The following PEX5L variants were observed in gnomAD, a reference collection of about 807,000 sequenced individuals.
The protein encoded by PEX5L is peroxisomal biogenesis factor 5 like.
Under a neutral mutation model 84.0 loss-of-function variants are expected in PEX5L, and 30 were observed. The ratio of observed to expected loss-of-function variants is 0.36; its 90% CI spans 0.27 to 0.48. The LOEUF is 0.48. PEX5L is among the 20% of genes least tolerant of loss of function. The pLI, the probability that PEX5L is intolerant of heterozygous loss-of-function variation, is 0.99. For synonymous variants in PEX5L, 270 were observed against 283.1 expected (o/e 0.95, Z 0.46); for missense variants, 533 against 754.6 (o/e 0.71, Z 3.44).
At chr3:179,818,767 G>T (rs1386741111) in intron 9 of PEX5L, among the ~76,000 whole-genome samples, 1 of 151,652 alleles carries the variant, frequency 6.6e-6, no homozygotes, top group Non-Finnish European at 1.5e-5. Flanking sequence ...CATCCATGTT[G>T]TTATAAATGA....
At chr3:179,985,678 T>C (rs1786748419) in intron 1 of PEX5L, among the ~76,000 whole-genome samples, 2 of 152,052 alleles carry the variant, frequency 1.3e-5, no homozygotes, top group Admixed American at 1.3e-4. Flanking sequence ...TTCCCCTTAT[T>C]TTCCTAGTTT....
intron 11 of PEX5L, among the ~76,000 whole-genome samples, chr3:179,811,217 ATGTGTG>A (rs59791968): frequency 0.091 from 13,662 of 149,904 alleles, 717 homozygotes; most frequent in African/African-American, 0.13. Flanking sequence ...TATGGAATGT[ATGTGTG>A]TGTGTGTGTG....
At chr3:179,883,337 G>C (rs1414676057) in intron 4 of PEX5L, among the ~76,000 whole-genome samples, 1 of 152,174 alleles carries the variant, frequency 6.6e-6, no homozygotes, top group Non-Finnish European at 1.5e-5. Context: ...GGGATTTCCA[G>C]CTCAGTTGCT....
chr3:179,817,767 T>C (rs916831737), intron 9 of PEX5L, among the ~76,000 whole-genome samples: 1 of 152,162 alleles, frequency 6.6e-6, no homozygotes. Flanking sequence ...TCAGTCTCCA[T>C]AGGTGCTTAG....
intron 4 of PEX5L, among the ~76,000 whole-genome samples, chr3:179,887,312 T>C (rs577695502): frequency 6.6e-6 from 1 of 152,190 alleles, no homozygotes; most frequent in South Asian, 2.1e-4. Context: ...TTATACAAAA[T>C]ATTTCCAGAA....
intron 8 of PEX5L, among the ~76,000 whole-genome samples, chr3:179,852,761 A>G (rs2108471406): frequency 1.3e-5 from 2 of 152,324 alleles, no homozygotes; most frequent in Admixed American, 1.3e-4. Flanking sequence ...ATTTGCTCAT[A>G]AGAATACCTC....
At chr3:179,865,760 G>A (rs571069477) in intron 7 of PEX5L, among the ~76,000 whole-genome samples, 27 of 152,172 alleles carry the variant, frequency 1.8e-4, no homozygotes, top group Middle Eastern at 3.4e-3. Flanking sequence ...CCCCACCTCC[G>A]GGGACTCCGA....
intron 1 of PEX5L, among the ~76,000 whole-genome samples, chr3:180,019,338 A>T (rs554157633): frequency 4.6e-5 from 7 of 152,296 alleles, no homozygotes; most frequent in African/African-American, 1.7e-4. Flanking sequence ...CAGTCAACCA[A>T]CTTTTTCTGA....
intron 8 of PEX5L, among the ~76,000 whole-genome samples, chr3:179,824,364 A>AAAACC (rs961143449): frequency 2.6e-5 from 4 of 152,200 alleles, no homozygotes; most frequent in Admixed American, 6.5e-5. Flanking sequence ...AAAACTTGAG[A>AAAACC]AAACCAAACC....
intron 12 of PEX5L, 57 bp downstream of exon 12, chr3:179,809,414 G>T: frequency 7.6e-7 from 1 of 1,321,354 alleles, no homozygotes. Context: ...TGCCCTTTAG[G>T]TGATTCATTG....
At chr3:179,947,634 A>T (rs1283633583) in intron 2 of PEX5L, among the ~76,000 whole-genome samples, 1 of 152,112 alleles carries the variant, frequency 6.6e-6, no homozygotes, top group East Asian at 1.9e-4. Context: ...CAAAGTAAAT[A>T]GCATTTTTTT....
intron 4 of PEX5L, among the ~76,000 whole-genome samples, chr3:179,884,607 G>A (rs1021287816): frequency 1.3e-5 from 2 of 152,166 alleles, no homozygotes; most frequent in African/African-American, 4.8e-5. Context: ...TAATATAACT[G>A]GTATGTCAGT....
chr3:179,937,072 TATATATATATACATATACAAGGTGCTAA>T (rs1024930826), intron 2 of PEX5L, among the ~76,000 whole-genome samples: 3 of 152,146 alleles, frequency 2.0e-5, no homozygotes, highest in Non-Finnish European at 4.4e-5. Flanking sequence ...GCCCCTCATA[TATATATATATACATATACAAGGTGCTAA>T]AAGAAATAAG....
intron 1 of PEX5L, among the ~76,000 whole-genome samples, chr3:180,019,215 C>T (rs1226458378): frequency 6.6e-6 from 1 of 152,070 alleles, no homozygotes; most frequent in African/African-American, 2.4e-5. Context: ...GAAATAAAGT[C>T]AATAATTTGA....
intron 7 of PEX5L, among the ~76,000 whole-genome samples, chr3:179,868,893 T>G (rs1302236712): frequency 1.3e-5 from 2 of 151,268 alleles, no homozygotes; most frequent in African/African-American, 2.4e-5. Flanking sequence ...GGGGGTTGGG[T>G]CTTCGTTCCG....
At chr3:179,973,675 A>G in intron 1 of PEX5L, 2 of 985,428 alleles carry the variant, frequency 2.0e-6, no homozygotes, top group Non-Finnish European at 2.4e-6. Flanking sequence ...CTCACAGAAC[A>G]TCATTCGAAA....
At chr3:179,900,665 C>A (rs1683181429) in intron 2 of PEX5L, 4 of 1,530,236 alleles carry the variant, frequency 2.6e-6, no homozygotes, top group Non-Finnish European at 3.5e-6. Flanking sequence ...GCAGAAAAAA[C>A]CCACCAAAGC....
intron 1 of PEX5L, among the ~76,000 whole-genome samples, chr3:180,006,321 C>G (rs1788888507): frequency 6.6e-6 from 1 of 151,626 alleles, no homozygotes. Flanking sequence ...TACACAAAAC[C>G]TAATCCCTGA....
intron 1 of PEX5L, among the ~76,000 whole-genome samples, chr3:179,979,248 T>A (rs952623525): frequency 6.6e-5 from 10 of 151,608 alleles, no homozygotes; most frequent in Non-Finnish European, 1.3e-4. Context: ...AATTCAAATT[T>A]TAAAAAAAAA....
Sources: allele counts gnomAD v4.1 joint callset (sites outside exome capture counted in the v4.1 genomes callset), GRCh38; gene constraint gnomAD v4.1.1; transcripts MANE v1.5; gene names NCBI Gene and HGNC (gene_info 2026-07-23, HGNC 2026-07-21).